Variants in ADAMTS6 observed in about 807,000 individuals in gnomAD.
ADAMTS6 encodes the protein ADAM metallopeptidase with thrombospondin type 1 motif 6, also known as A disintegrin and metalloproteinase with thrombospondin motifs 6.
ADAMTS6 carries 23 observed loss-of-function variants against 144.3 expected under a neutral mutation model. That is an observed-to-expected ratio of 0.16 (90% CI 0.11 to 0.23). The LOEUF is 0.23. ADAMTS6 is among the 10% of genes least tolerant of loss of function. The probability of loss-of-function intolerance (pLI) is 1.00; values close to 1 mark genes in which losing one functional copy is unlikely to be tolerated. For missense variants in ADAMTS6, 999 were observed against 1,379.6 expected (o/e 0.72, Z 4.37); for synonymous variants, 444 against 457.5 (o/e 0.97, Z 0.38).
At chr5:65,196,793 A>T (rs1472426773) in intron 21 of ADAMTS6, among the ~76,000 whole-genome samples, 1 of 152,190 alleles carries the variant, frequency 6.6e-6, no homozygotes, top group Non-Finnish European at 1.5e-5. Flanking sequence ...GTGTCAGAAC[A>T]AAATTCATTG....
chr5:65,455,075 C>G (rs910095265), intron 4 of ADAMTS6, among the ~76,000 whole-genome samples: 2 of 152,202 alleles, frequency 1.3e-5, no homozygotes, highest in Non-Finnish European at 2.9e-5. Flanking sequence ...CAAGTCATGC[C>G]TAGTCTCTTA....
At chr5:65,403,658 A>G (rs1248286219) in intron 7 of ADAMTS6, among the ~76,000 whole-genome samples, 2 of 152,152 alleles carry the variant, frequency 1.3e-5, no homozygotes, top group African/African-American at 4.8e-5. Context: ...TGAGACAACT[A>G]GTTACCATGT....
intron 24 of ADAMTS6, among the ~76,000 whole-genome samples, chr5:65,163,715 C>T (rs1054712608): frequency 6.6e-6 from 1 of 152,050 alleles, no homozygotes; most frequent in African/African-American, 2.4e-5. Flanking sequence ...TTTTCAGGGC[C>T]TTATAATTTA....
At chr5:65,412,468 C>T (rs1047645482) in intron 7 of ADAMTS6, among the ~76,000 whole-genome samples, 1 of 151,870 alleles carries the variant, frequency 6.6e-6, no homozygotes. Context: ...TGACCAAATA[C>T]ACATGATTTG....
chr5:65,227,657 G>A (rs1200100450), intron 15 of ADAMTS6, among the ~76,000 whole-genome samples: 1 of 152,166 alleles, frequency 6.6e-6, no homozygotes, highest in Non-Finnish European at 1.5e-5. Context: ...CGACTGGGTG[G>A]TAGAGTCAAT....
intron 23 of ADAMTS6, among the ~76,000 whole-genome samples, chr5:65,172,548 C>T (rs1753699316): frequency 6.6e-6 from 1 of 152,146 alleles, no homozygotes; most frequent in Non-Finnish European, 1.5e-5. Flanking sequence ...GTTCAGATCT[C>T]TATCGGTTAT....
At chr5:65,163,981 AAT>A (rs1382441150) in intron 24 of ADAMTS6, among the ~76,000 whole-genome samples, 1 of 152,236 alleles carries the variant, frequency 6.6e-6, no homozygotes, top group Non-Finnish European at 1.5e-5. Flanking sequence ...ATCTGCTGTT[AAT>A]AAAGGGATTT....
intron 14 of ADAMTS6, among the ~76,000 whole-genome samples, chr5:65,259,947 T>C (rs1010900041): frequency 2.6e-5 from 4 of 152,124 alleles, no homozygotes; most frequent in African/African-American, 9.7e-5. Context: ...TAATGAGATA[T>C]AAACATTGTC....
chr5:65,246,013 AATTC>A (rs1476178587), intron 14 of ADAMTS6, among the ~76,000 whole-genome samples: 1 of 152,202 alleles, frequency 6.6e-6, no homozygotes, highest in Non-Finnish European at 1.5e-5. Context: ...ACCTTTTAAG[AATTC>A]AGGTTAGAAG....
intron 9 of ADAMTS6, among the ~76,000 whole-genome samples, chr5:65,302,091 CCAAA>C (rs551729902): frequency 0.012 from 611 of 51,862 alleles, 7 homozygotes; most frequent in African/African-American, 0.066. Context: ...GGCTCTGTCT[CCAAA>C]AAAAAAAAAA....
At chr5:65,191,540 A>G (rs1755017224) in intron 21 of ADAMTS6, among the ~76,000 whole-genome samples, 1 of 152,104 alleles carries the variant, frequency 6.6e-6, no homozygotes, top group Non-Finnish European at 1.5e-5. Context: ...CAAACACAAC[A>G]TAGCAAAATT....
chr5:65,306,697 C>T (rs570751006), intron 9 of ADAMTS6, among the ~76,000 whole-genome samples: 2 of 152,312 alleles, frequency 1.3e-5, no homozygotes, highest in South Asian at 4.1e-4. Context: ...ATCTGCACCA[C>T]ATCTTCACCA....
chr5:65,471,961 A>G (rs1005392452), intron 2 of ADAMTS6, among the ~76,000 whole-genome samples: 2 of 152,208 alleles, frequency 1.3e-5, no homozygotes, highest in African/African-American at 4.8e-5. Context: ...GTGAATGCTC[A>G]GCAATATTCA....
At chr5:65,461,619 GAA>G (rs1007465045) in intron 3 of ADAMTS6, among the ~76,000 whole-genome samples, 3 of 152,286 alleles carry the variant, frequency 2.0e-5, no homozygotes, top group African/African-American at 7.2e-5. Flanking sequence ...CTGGAAAAAT[GAA>G]AGAGTTGGTC....
intron 11 of ADAMTS6, among the ~76,000 whole-genome samples, chr5:65,276,850 TTTC>T (rs1472690814): frequency 6.6e-6 from 1 of 152,202 alleles, no homozygotes; most frequent in East Asian, 1.9e-4. Context: ...AAAGAATGAT[TTTC>T]TTTTTTTCTT....
At chr5:65,160,984 G>A (rs778912364) in intron 24 of ADAMTS6, among the ~76,000 whole-genome samples, 13 of 149,750 alleles carry the variant, frequency 8.7e-5, no homozygotes, top group East Asian at 6.1e-4. Flanking sequence ...CCTACAAACC[G>A]TAACAGACCA....
intron 7 of ADAMTS6, among the ~76,000 whole-genome samples, chr5:65,357,151 A>C (rs1031366244): frequency 4.0e-5 from 6 of 151,824 alleles, no homozygotes; most frequent in Non-Finnish European, 8.8e-5. Flanking sequence ...GAAATAAATA[A>C]TAGAAAAAAA....
At chr5:65,341,426 G>A (rs532173553) in intron 7 of ADAMTS6, among the ~76,000 whole-genome samples, 1 of 151,814 alleles carries the variant, frequency 6.6e-6, no homozygotes, top group African/African-American at 2.4e-5. Flanking sequence ...TTTTTGAAAA[G>A]ATAACGAAAA....
At chr5:65,458,409 T>C (rs974166615) in intron 4 of ADAMTS6, among the ~76,000 whole-genome samples, 1 of 152,034 alleles carries the variant, frequency 6.6e-6, no homozygotes, top group East Asian at 1.9e-4. Context: ...CACAAGGCAA[T>C]CCTTTCTTTT....
Sources: gnomAD v4.1 joint callset for allele counts (sites outside exome capture counted in the v4.1 genomes callset) on GRCh38, gnomAD v4.1.1 for gene constraint, MANE v1.5 for transcripts, NCBI Gene and HGNC (gene_info 2026-07-23, HGNC 2026-07-21) for gene names.